Variants in UIMC1 observed in about 807,000 individuals in gnomAD.
The protein encoded by UIMC1 is ubiquitin interaction motif containing 1, also known as BRCA1-A complex subunit RAP80.
Under a neutral mutation model 84.9 loss-of-function variants are expected in UIMC1, and 42 were observed. The ratio of observed to expected loss-of-function variants is 0.49; its 90% CI spans 0.39 to 0.64. UIMC1 has a LOEUF of 0.64. Ranked by LOEUF, UIMC1 falls within the 30% of genes least tolerant of loss-of-function variation. UIMC1 has a pLI of 0.00. For missense variants in UIMC1, 825 were observed against 847.6 expected, an observed-to-expected ratio of 0.97 and a Z score of 0.33; for synonymous variants, 281 against 293.0, an observed-to-expected ratio of 0.96 and a Z score of 0.42.
At chr5:176,968,201 GT>G (rs1768606987) in intron 6 of UIMC1, among the ~76,000 whole-genome samples, 1 of 151,984 alleles carries the variant, frequency 6.6e-6, no homozygotes, top group African/African-American at 2.4e-5. Flanking sequence ...GTAAAACCCC[GT>G]CTCTACTAAA....
At chr5:176,910,524 GA>G (rs1759993201) in intron 11 of UIMC1, among the ~76,000 whole-genome samples, 1 of 152,206 alleles carries the variant, frequency 6.6e-6, no homozygotes, top group Non-Finnish European at 1.5e-5. Context: ...TGAGAATTGT[GA>G]TTCTGACCCC....
chr5:177,022,589 A>G, exon 1 of UIMC1: 1 of 821,232 alleles, frequency 1.2e-6, no homozygotes, highest in Non-Finnish European at 1.8e-6. Context: ...CAGAGGTAGC[A>G]AAGCAAAATA....
At chr5:176,957,153 C>T (rs1766712209) in intron 7 of UIMC1, among the ~76,000 whole-genome samples, 1 of 152,086 alleles carries the variant, frequency 6.6e-6, no homozygotes. Context: ...TCTGTTAAAA[C>T]CACTTCCAAA....
At chr5:176,990,055 C>A (rs1310304490) in intron 1 of UIMC1, among the ~76,000 whole-genome samples, 10 of 151,970 alleles carry the variant, frequency 6.6e-5, no homozygotes, top group South Asian at 2.1e-4. Context: ...GTGGCGGGAG[C>A]CTGTAGCCCC....
intron 9 of UIMC1, among the ~76,000 whole-genome samples, chr5:176,949,604 T>A (rs993014169): frequency 6.6e-6 from 1 of 152,188 alleles, no homozygotes; most frequent in African/African-American, 2.4e-5. Context: ...AGTGTCATCA[T>A]CTTTCCTACC....
At chr5:176,998,698 T>C (rs777881718) in intron 1 of UIMC1, among the ~76,000 whole-genome samples, 12 of 151,588 alleles carry the variant, frequency 7.9e-5, no homozygotes, top group South Asian at 6.3e-4. Flanking sequence ...ACCCGGGCGG[T>C]GGAGGTTGCG....
chr5:176,925,428 G>C (rs1762274693), intron 10 of UIMC1, among the ~76,000 whole-genome samples: 1 of 151,952 alleles, frequency 6.6e-6, no homozygotes, highest in Admixed American at 6.6e-5. Context: ...TTTGGAAAAA[G>C]GTTTGGCAGT....
chr5:176,992,295 T>C (rs1772986561), intron 1 of UIMC1, among the ~76,000 whole-genome samples: 1 of 152,086 alleles, frequency 6.6e-6, no homozygotes, highest in South Asian at 2.1e-4. Context: ...TTTTATTGAA[T>C]TCTCAAAGGA....
intron 1 of UIMC1, among the ~76,000 whole-genome samples, chr5:176,986,004 C>T (rs945930857): frequency 6.6e-6 from 1 of 151,848 alleles, no homozygotes; most frequent in Non-Finnish European, 1.5e-5. Context: ...GTAATCCCAA[C>T]ACTTTGGGAG....
At chr5:176,984,878 AGAT>A (rs771653737) in intron 1 of UIMC1, among the ~76,000 whole-genome samples, 1 of 152,214 alleles carries the variant, frequency 6.6e-6, no homozygotes, top group Non-Finnish European at 1.5e-5. Context: ...TTTGTTAAAA[AGAT>A]GCTTGAAGGC....
intron 10 of UIMC1, among the ~76,000 whole-genome samples, chr5:176,916,960 T>C (rs1000667657): frequency 6.6e-6 from 1 of 152,170 alleles, no homozygotes; most frequent in African/African-American, 2.4e-5. Context: ...TACTATAAAT[T>C]GTAAAGACAA....
At chr5:176,952,637 T>C (rs1387161070) in intron 8 of UIMC1, among the ~76,000 whole-genome samples, 2 of 152,200 alleles carry the variant, frequency 1.3e-5, no homozygotes, top group Non-Finnish European at 2.9e-5. Flanking sequence ...AGTCTTTTAT[T>C]TTTAAAAAGT....
chr5:176,992,847 T>A (rs1182276601), intron 1 of UIMC1, among the ~76,000 whole-genome samples: 1 of 151,826 alleles, frequency 6.6e-6, no homozygotes, highest in African/African-American at 2.4e-5. Flanking sequence ...GAAGAAAATA[T>A]GTGCAATACA....
chr5:176,970,597 G>A (rs1769059005), intron 4 of UIMC1, 145 bp downstream of exon 4: 1 of 1,311,754 alleles, frequency 7.6e-7, no homozygotes, highest in South Asian at 1.2e-5. Flanking sequence ...ATTCAACACA[G>A]ACTTTAAAAA....
chr5:176,975,063 T>G (rs1769854263), intron 3 of UIMC1, among the ~76,000 whole-genome samples: 1 of 151,730 alleles, frequency 6.6e-6, no homozygotes, highest in African/African-American at 2.4e-5. Flanking sequence ...CTTGAGCCAA[T>G]GAGTTCAAGG....
At chr5:177,014,820 C>T (rs1303746267) in intron 1 of UIMC1, among the ~76,000 whole-genome samples, 8 of 152,158 alleles carry the variant, frequency 5.3e-5, no homozygotes, top group Non-Finnish European at 8.8e-5. Flanking sequence ...GGGCTTGGTA[C>T]TTGAGAGAGT....
chr5:176,986,333 C>T (rs1771980121), intron 1 of UIMC1, among the ~76,000 whole-genome samples: 1 of 120,120 alleles, frequency 8.3e-6, no homozygotes, highest in Non-Finnish European at 1.6e-5. Context: ...GCACTCCGGC[C>T]TGGGTGCCAG....
At chr5:176,996,700 T>A (rs1454879914) in intron 1 of UIMC1, among the ~76,000 whole-genome samples, 2 of 152,166 alleles carry the variant, frequency 1.3e-5, no homozygotes, top group African/African-American at 4.8e-5. Context: ...GGTTGAACTA[T>A]GAGTCCAGTA....
At chr5:176,985,380 C>T (rs999959947) in intron 1 of UIMC1, among the ~76,000 whole-genome samples, 7 of 148,270 alleles carry the variant, frequency 4.7e-5, no homozygotes, top group South Asian at 2.3e-4. Flanking sequence ...CACTTGAACC[C>T]GGGAGGCGGA....
Sources: allele counts gnomAD v4.1 joint callset (sites outside exome capture counted in the v4.1 genomes callset), GRCh38; gene constraint gnomAD v4.1.1; transcripts MANE v1.5; gene names NCBI Gene and HGNC (gene_info 2026-07-23, HGNC 2026-07-21).